The following IL21R variants were observed in gnomAD, a reference collection of about 807,000 sequenced individuals.
The protein encoded by IL21R is interleukin-21 receptor.
IL21R carries 14 observed loss-of-function variants against 41.3 expected under a neutral mutation model. The ratio of observed to expected loss-of-function variants is 0.34; its 90% confidence interval spans 0.22 to 0.53. IL21R has a LOEUF of 0.53. IL21R is among the 20% of genes least tolerant of loss of function. The pLI, the probability that IL21R is intolerant of heterozygous loss-of-function variation, is 0.94. For missense variants in IL21R, 588 were observed against 681.6 expected (o/e 0.86, Z 1.53); for synonymous variants, 286 against 287.6 (o/e 0.99, Z 0.05).
Position 27,448,768 on chromosome 16 carries a change from G to A in IL21R, c.1102G>A (p.Asp368Asn), listed in dbSNP as rs1171426617. ...GGGCTCAGCTTACAGTGAGGAGAGG[G>A]ATCGGCCATACGGCCTGGTGTCCAT... is the stretch of plus-strand genomic sequence containing the variant. ...SGGSAYSEERDRPYGLVSIDT... is the reference protein window; with the variant it reads ...SGGSAYSEERNRPYGLVSIDT... The change falls in exon 9 of 9, where the codon GAT becomes AAT. Residue 368 changes from aspartate to asparagine, a missense_variant. By Grantham distance (23) the Asp-to-Asn change is conservative (BLOSUM62 1). Coordinates refer to ENST00000337929, the MANE Select transcript of IL21R (RefSeq NM_181078.3). The A allele has an allele frequency of 1.2e-6, 2 of 1,613,622 alleles. No individual in the cohort carries two copies. The highest frequency in any genetic ancestry group is 2.2e-5 in the East Asian group (1 of 44,884).
At chr16:27,433,983 G>A (rs2087220359) in intron 2 of IL21R, among the ~76,000 whole-genome samples, 2 of 152,130 alleles carry the variant, frequency 1.3e-5, no homozygotes, top group African/African-American at 4.8e-5. Flanking sequence ...CCACATCTGG[G>A]GCATTTAGGA....
Position 27,449,310 on chromosome 16 carries a change from G to A in IL21R, c.*27G>A, listed in dbSNP as rs2087548463. ...GAGGCTGACTGGATGTCCAGAGCTGGCCAGGCCACTGGGCCCTGAGCCAGA... is the reference window on the plus strand; with the variant it reads ...GAGGCTGACTGGATGTCCAGAGCTGACCAGGCCACTGGGCCCTGAGCCAGA... On this transcript the variant is annotated 3_prime_UTR_variant, in exon 9 of 9. Transcript: ENST00000337929. The A allele has an allele frequency of 1.3e-6, 2 of 1,556,012 alleles. No homozygotes were observed. Among genetic ancestry groups the A allele is most frequent in the Non-Finnish European group, 1.7e-6 (2 of 1,152,944 alleles).
chr16:27,449,304 G>C lies in IL21R; in HGVS notation c.*21G>C. 6.4e-7 allele frequency: 1 copy of C among 1,565,506 alleles called. No homozygotes were observed. The highest frequency in any genetic ancestry group is 8.6e-7 in the Non-Finnish European group (1 of 1,157,124). On this transcript the variant is annotated 3_prime_UTR_variant, in exon 9 of 9. Transcript: ENST00000337929. Reference sequence around the variant, plus strand: ...GCTAATGAGGCTGACTGGATGTCCAGAGCTGGCCAGGCCACTGGGCCCTGA... The same window carrying C: ...GCTAATGAGGCTGACTGGATGTCCACAGCTGGCCAGGCCACTGGGCCCTGA...
chr16:27,422,998 A>G (rs1345512195), intron 1 of IL21R, among the ~76,000 whole-genome samples: 2 of 152,190 alleles, frequency 1.3e-5, no homozygotes, highest in East Asian at 1.9e-4. Flanking sequence ...GGTACTCACC[A>G]GGGCCCATCT....
chr16:27,404,149 T>G (rs553911798), intron 1 of IL21R, among the ~76,000 whole-genome samples: 1 of 152,234 alleles, frequency 6.6e-6, no homozygotes, highest in African/African-American at 2.4e-5. Context: ...GGAGAGGCCC[T>G]GCTCACCTGC....
In IL21R at chr16:27,443,259, C is replaced by T. The variant is rs56125344; in HGVS notation, c.507+143C>T. ...CAAGGGCACGAGCACTCCCTTACAG[C>T]GGGCCCTCCTCCTCCCCTCACTTCT... On this transcript the variant is annotated intron_variant, in intron 5 of 8. Coordinates refer to ENST00000337929, the MANE Select transcript of IL21R (RefSeq NM_181078.3). 4,183 of 642,842 alleles carry T rather than the reference C, an allele frequency of 6.5e-3. 23 individuals are homozygous for T. Among genetic ancestry groups the T allele is most frequent in the Non-Finnish European group, 8.7e-3 (3,484 of 399,390 alleles). 39.8% of individuals were successfully genotyped at this position (642,842 alleles called of 1,614,324 possible).
intron 4 of IL21R, among the ~76,000 whole-genome samples, chr16:27,440,146 G>C (rs555078591): frequency 4.0e-5 from 6 of 151,224 alleles, no homozygotes; most frequent in Admixed American, 6.6e-5. Context: ...GGAGCCCTCA[G>C]TGCGGGTTTC....
intron 8 of IL21R, among the ~76,000 whole-genome samples, chr16:27,447,387 G>A (rs922757887): frequency 1.3e-5 from 2 of 152,056 alleles, no homozygotes; most frequent in Non-Finnish European, 2.9e-5. Flanking sequence ...GCACACAGCT[G>A]AGAAGCGACT....
chr16:27,449,466 G>A lies in IL21R; in HGVS notation c.*183G>A. 1 of 629,698 alleles carries A rather than the reference G, an allele frequency of 1.6e-6. No homozygotes were observed. The highest frequency in any genetic ancestry group is 2.7e-6 in the Non-Finnish European group (1 of 368,250). The allele number at this position is 629,698 out of a possible 1,614,324, so 39.0% of individuals were successfully genotyped here. The stretch of plus-strand genomic sequence containing the variant: ...TGTGTGTGTGCATATGCATGTGTGT[G>A]TGTGTGTGTGTCTTAGGTGCGCAGT... On this transcript the variant is annotated 3_prime_UTR_variant, in exon 9 of 9. Transcript: ENST00000337929.
intron 1 of IL21R, among the ~76,000 whole-genome samples, chr16:27,410,634 G>T (rs2086809788): frequency 6.6e-6 from 1 of 152,146 alleles, no homozygotes; most frequent in African/African-American, 2.4e-5. Flanking sequence ...ACAAGAGAGG[G>T]TATTGTAGTG....
intron 8 of IL21R, chr16:27,448,080 T>G: frequency 6.5e-6 from 1 of 154,348 alleles, no homozygotes; most frequent in Non-Finnish European, 1.4e-5. Flanking sequence ...GGTGTCTTTG[T>G]CTATCTTCAT....
chr16:27,406,126 G>C (rs1055788323), intron 1 of IL21R, among the ~76,000 whole-genome samples: 4 of 152,274 alleles, frequency 2.6e-5, no homozygotes, highest in Admixed American at 6.5e-5. Flanking sequence ...GAATGAATCA[G>C]TAACACCAGT....
chr16:27,405,480 G>A (rs1315939064), intron 1 of IL21R, among the ~76,000 whole-genome samples: 6 of 152,238 alleles, frequency 3.9e-5, no homozygotes, highest in Non-Finnish European at 7.3e-5. Flanking sequence ...CCCTTTTACA[G>A]ATGGGGAAAC....
chr16:27,408,642 G>A (rs2086782686), intron 1 of IL21R, among the ~76,000 whole-genome samples: 1 of 152,212 alleles, frequency 6.6e-6, no homozygotes, highest in African/African-American at 2.4e-5. Context: ...CTCTCGGGAA[G>A]TCCCTCCGCC....
At chr16:27,440,246 T>TAGAGAGAGAGAGAGAG (rs1163938129) in intron 4 of IL21R, among the ~76,000 whole-genome samples, 4 of 78,624 alleles carry the variant, frequency 5.1e-5, no homozygotes, top group Admixed American at 1.3e-4. Flanking sequence ...TATATATATA[T>TAGAGAGAGAGAGAGAG]ATAGAGAGAG....
chr16:27,431,321 A>C (rs2087167372), intron 2 of IL21R, among the ~76,000 whole-genome samples: 1 of 152,216 alleles, frequency 6.6e-6, no homozygotes, highest in South Asian at 2.1e-4. Context: ...GGGTGCAGAT[A>C]ACAAGCCCTG....
In IL21R at chr16:27,402,301, C is replaced by T. The variant is rs1411766327; in HGVS notation, c.-334C>T. On this transcript the variant is annotated 5_prime_UTR_variant, in exon 1 of 9. The change creates a new upstream start codon in the 5' untranslated region. Coordinates refer to ENST00000337929, the MANE Select transcript of IL21R (RefSeq NM_181078.3). ...TCTCCCTGAGTGTGGCTGACAGCCA[C>T]GCAGCTGTGTCTGTCTGTCTGCGGC... is the stretch of plus-strand genomic sequence containing the variant. The T allele has an allele frequency of 1.3e-5, 2 of 152,522 alleles. No homozygotes were observed. The highest frequency in any genetic ancestry group is 3.9e-4 in the East Asian group (2 of 5,194). The allele number at this position is 152,522 out of a possible 1,614,324, so 9.4% of individuals were successfully genotyped here.
chr16:27,450,459 T>C lies in IL21R; in HGVS notation c.*1176T>C, dbSNP rs934515682. ...AATTCAATCCTGCCAATAAATCCTG[T>C]CTTATTTGTTCATCCTGGAGAATTG... is the stretch of plus-strand genomic sequence containing the variant. On this transcript the variant is annotated 3_prime_UTR_variant, in exon 9 of 9. Transcript: ENST00000337929. 8 of 230,762 alleles carry C rather than the reference T, an allele frequency of 3.5e-5. No homozygotes were observed. The highest frequency in any genetic ancestry group is 2.6e-5 in the Non-Finnish European group (3 of 116,568). The allele number at this position is 230,762 out of a possible 1,614,324, so 14.3% of individuals were successfully genotyped here. A position where few individuals can be genotyped will look rare whatever the true frequency, so the allele number is the denominator to read the frequency against.
Position 27,408,809 on chromosome 16 carries a change from A to G in IL21R, c.-17+6191A>G, listed in dbSNP as rs908233540. Among the ~76,000 whole-genome samples, 4 of 152,202 alleles carry G rather than the reference A, an allele frequency of 2.6e-5. No individual in the cohort carries two copies. The East Asian group carries it at 7.7e-4, about 29-fold the overall frequency. On this transcript the variant is annotated intron_variant, in intron 1 of 8. Coordinates refer to ENST00000337929, the MANE Select transcript of IL21R (RefSeq NM_181078.3). ...CTTTCACTTTCAGCCCCATGTCCCT[A>G]CCTGGGTCACATTGCAGAGAATGGC... is the stretch of plus-strand genomic sequence containing the variant.
Sources: gnomAD v4.1 joint callset for allele counts (sites outside exome capture counted in the v4.1 genomes callset) on GRCh38, gnomAD v4.1.1 for gene constraint, MANE v1.5 for transcripts, NCBI Gene and HGNC (gene_info 2026-07-23, HGNC 2026-07-21) for gene names.